DROSHA: variants seen among roughly 807,000 people sequenced by gnomAD.
DROSHA encodes the protein ribonuclease 3.
Under a neutral mutation model 181.9 loss-of-function variants are expected in DROSHA, and 56 were observed. The observed-to-expected ratio is 0.31, with a 90% CI of 0.25 to 0.38. The LOEUF (loss-of-function observed/expected upper bound fraction) is 0.38, where lower values mean the gene tolerates loss of function less well. Ranked by LOEUF, DROSHA falls within the 10% of genes least tolerant of loss-of-function variation. DROSHA has a pLI of 1.00. For synonymous variants in DROSHA, 524 were observed against 591.2 expected, an observed-to-expected ratio of 0.89 and a Z score of 1.65; for missense variants, 1,218 against 1,743.5, an observed-to-expected ratio of 0.70 and a Z score of 5.37.
intron 35 of DROSHA, among the ~76,000 whole-genome samples, chr5:31,405,285 C>A (rs1360424390): frequency 1.3e-5 from 2 of 151,564 alleles, no homozygotes; most frequent in Non-Finnish European, 1.5e-5. Context: ...GGAGAATCAC[C>A]TGACACCTGG....
At position 31,523,980 on chromosome 5, in the gene DROSHA, A is replaced by G. The variant is rs1272432959; in HGVS notation, c.854+2099T>C. ...ACAAAAGCAAAACTTTGTCTCCAAAAAAAAAAAAAAAAAAACAACAAAAAA... is the reference window on the plus strand; with the variant it reads ...ACAAAAGCAAAACTTTGTCTCCAAAGAAAAAAAAAAAAAAACAACAAAAAA... On this transcript the variant is annotated intron_variant, in intron 5 of 35. Transcript: ENST00000344624. 2.0e-5 allele frequency among the ~76,000 whole-genome samples: 3 copies of G among 148,942 alleles called. 1 individual carries two copies. The highest frequency in any genetic ancestry group is 4.5e-5 in the Non-Finnish European group (3 of 66,884).
At chr5:31,446,842 C>A (rs537483986) in intron 23 of DROSHA, among the ~76,000 whole-genome samples, 1 of 152,256 alleles carries the variant, frequency 6.6e-6, no homozygotes, top group African/African-American at 2.4e-5. Flanking sequence ...GAGTTGGAGA[C>A]CAGCCTGGCC....
In DROSHA at chr5:31,521,140, C is replaced by A; in HGVS notation, c.930G>T (p.Glu310Asp). Residue 310 changes from glutamate to aspartate, a missense_variant, in exon 6 of 36, where the codon GAG (glutamate) becomes GAT (aspartate). Glu to Asp is a conservative substitution (Grantham distance 45). Transcript: ENST00000344624. Reference sequence around the variant, plus strand: ...TTGCTTACCTTCCAGATCTCTTATACTCTTTTTTGTAGGACCTTTCCAGAG... The same window carrying A: ...TTGCTTACCTTCCAGATCTCTTATAATCTTTTTTGTAGGACCTTTCCAGAG... ...SPSLERSYKK[E>D]YKRSGRSYGL... 6.2e-7 allele frequency: 1 copy of A among 1,613,656 alleles called. No homozygotes were observed. Among genetic ancestry groups the A allele is most frequent in the Non-Finnish European group, 8.5e-7 (1 of 1,179,634 alleles).
At chr5:31,439,206 A>G (rs1745247828) in intron 23 of DROSHA, among the ~76,000 whole-genome samples, 1 of 152,218 alleles carries the variant, frequency 6.6e-6, no homozygotes, top group Admixed American at 6.5e-5. Context: ...ATCTAAAAAT[A>G]TTAAGTGGAA....
At chr5:31,469,109 A>T (rs1749442639) in intron 17 of DROSHA, among the ~76,000 whole-genome samples, 1 of 152,334 alleles carries the variant, frequency 6.6e-6, no homozygotes, top group African/African-American at 2.4e-5. Context: ...TAAAACACTC[A>T]AACCTTTGGG....
At chr5:31,406,274 G>A (rs1174934850) in intron 34 of DROSHA, among the ~76,000 whole-genome samples, 2 of 152,150 alleles carry the variant, frequency 1.3e-5, no homozygotes, top group Non-Finnish European at 2.9e-5. Flanking sequence ...TTGGGAGGCT[G>A]AGGGGGGGTT....
At chr5:31,523,207 A>G (rs1019837467) in intron 5 of DROSHA, among the ~76,000 whole-genome samples, 2 of 152,252 alleles carry the variant, frequency 1.3e-5, no homozygotes, top group African/African-American at 4.8e-5. Flanking sequence ...CACCTAATTA[A>G]TATCCCAAAG....
intron 5 of DROSHA, among the ~76,000 whole-genome samples, chr5:31,524,005 A>C (rs1000015415): frequency 3.3e-5 from 5 of 151,890 alleles, no homozygotes; most frequent in East Asian, 1.9e-4. Context: ...ACAACAAAAA[A>C]AAAACTATCA....
chr5:31,525,013 G>A (rs1200244341), intron 5 of DROSHA, among the ~76,000 whole-genome samples: 1 of 151,896 alleles, frequency 6.6e-6, no homozygotes, highest in African/African-American at 2.4e-5. Context: ...TGGCCAACAT[G>A]GTAAAACCCC....
At chr5:31,453,075 C>A (rs3828635) in intron 20 of DROSHA, among the ~76,000 whole-genome samples, 74,549 of 152,104 alleles carry the variant, frequency 0.49, 22,394 homozygotes, top group South Asian at 0.69. Flanking sequence ...TTCAGTGCAA[C>A]TGCCTTTCTA....
In DROSHA at chr5:31,405,674, T is replaced by C. The variant is rs879340504; in HGVS notation, c.3994+3A>G. Reference sequence around the variant, plus strand: ...ATAATTATAGAAAAAAAAACAGGCTTACATTTTTCAAGCGCATCCATTGCT... The same window carrying C: ...ATAATTATAGAAAAAAAAACAGGCTCACATTTTTCAAGCGCATCCATTGCT... On this transcript the variant is annotated splice_donor_region_variant and intron_variant, in intron 35 of 35. Transcript: ENST00000344624. 5 of 1,558,092 alleles carry C rather than the reference T, an allele frequency of 3.2e-6. No homozygotes were observed. Among genetic ancestry groups the C allele is most frequent in the Non-Finnish European group, 4.3e-6 (5 of 1,152,734 alleles).
chr5:31,480,365 A>G (rs1750901899), intron 16 of DROSHA, among the ~76,000 whole-genome samples: 1 of 151,856 alleles, frequency 6.6e-6, no homozygotes, highest in African/African-American at 2.4e-5. Context: ...AACAGAATAT[A>G]AAATTCTAGT....
intron 11 of DROSHA, among the ~76,000 whole-genome samples, chr5:31,499,707 G>A (rs970735172): frequency 6.6e-6 from 1 of 152,186 alleles, no homozygotes; most frequent in Non-Finnish European, 1.5e-5. Context: ...ATCTCAGACT[G>A]CTTGTTCCCC....
chr5:31,471,423 CTT>C (rs1580208841), intron 17 of DROSHA, among the ~76,000 whole-genome samples: 1 of 151,960 alleles, frequency 6.6e-6, no homozygotes, highest in African/African-American at 2.4e-5. Flanking sequence ...AATGTTATGT[CTT>C]TATATAAGAA....
chr5:31,457,553 C>A (rs896242101), intron 20 of DROSHA, among the ~76,000 whole-genome samples: 3 of 151,846 alleles, frequency 2.0e-5, no homozygotes, highest in Admixed American at 2.0e-4. Flanking sequence ...ATTGCAGAGT[C>A]ATGTAAACAT....
chr5:31,449,149 A>AAG, intron 22 of DROSHA, 132 bp downstream of exon 22: 1 of 1,201,846 alleles, frequency 8.3e-7, no homozygotes, highest in African/African-American at 1.6e-5. Context: ...AAAAAAAAAA[A>AAG]GAGTCAGTAA....
At chr5:31,479,799 A>G (rs1750814691) in intron 16 of DROSHA, among the ~76,000 whole-genome samples, 1 of 152,008 alleles carries the variant, frequency 6.6e-6, no homozygotes, top group Non-Finnish European at 1.5e-5. Context: ...CACCAAAGAC[A>G]TGTACGTGTT....
chr5:31,483,592 C>A lies in DROSHA; in HGVS notation c.2033G>T (p.Arg678Ile), dbSNP rs375263089. 6.2e-6 allele frequency: 10 copies of A among 1,611,062 alleles called. No homozygotes were observed. The highest frequency in any genetic ancestry group is 8.5e-6 in the Non-Finnish European group (10 of 1,179,322). Residue 678 changes from arginine to isoleucine, a missense_variant, in exon 16 of 36, where the codon AGA becomes ATA. Physicochemically the swap from Arg to Ile is moderately conservative, Grantham distance 97 (BLOSUM62 -3). Coordinates refer to ENST00000344624, the MANE Select transcript of DROSHA (RefSeq NM_001382508.1). ...LFEDSPPCCPRFHFMPRFVRF... is the reference protein window; with the variant it reads ...LFEDSPPCCPIFHFMPRFVRF... Reference sequence around the variant, plus strand: ...TACAAAACGTGGCATGAAATGAAATCTTGGGCAGCAGGGAGGGCTGTCTTC... The same window carrying A: ...TACAAAACGTGGCATGAAATGAAATATTGGGCAGCAGGGAGGGCTGTCTTC...
intron 19 of DROSHA, 106 bp from the exon 20 acceptor site, chr5:31,464,449 C>A: frequency 2.2e-6 from 2 of 923,634 alleles, no homozygotes; most frequent in Non-Finnish European, 3.4e-6. Flanking sequence ...ATTACCCCTA[C>A]ATTCAGATAC....
Sources: allele counts gnomAD v4.1 joint callset (sites outside exome capture counted in the v4.1 genomes callset), GRCh38; gene constraint gnomAD v4.1.1; transcripts MANE v1.5; gene names NCBI Gene and HGNC (gene_info 2026-07-23, HGNC 2026-07-21).